Variants in PEX11G observed in about 807,000 individuals in gnomAD.
The protein encoded by PEX11G is peroxisomal biogenesis factor 11 gamma.
PEX11G carries 20 observed loss-of-function variants against 22.5 expected under a neutral mutation model. The ratio of observed to expected loss-of-function variants is 0.89; its 90% CI spans 0.62 to 1.29. The LOEUF (loss-of-function observed/expected upper bound fraction) is 1.29, where lower values mean the gene tolerates loss of function less well. PEX11G is among the 50% of genes most tolerant of loss of function. The pLI, the probability that PEX11G is intolerant of heterozygous loss-of-function variation, is 0.00. For synonymous variants in PEX11G, 141 were observed against 154.5 expected (o/e 0.91, Z 0.65); for missense variants, 347 against 331.3 (o/e 1.05, Z -0.37).
At chr19:7,488,565 C>T (rs950538462) in intron 1 of PEX11G, among the ~76,000 whole-genome samples, 3 of 152,134 alleles carry the variant, frequency 2.0e-5, no homozygotes, top group African/African-American at 4.8e-5. Context: ...TTTGGGAGGC[C>T]GAGGCAGGTG....
intron 3 of PEX11G, among the ~76,000 whole-genome samples, chr19:7,481,359 C>G (rs1380980199): frequency 6.6e-6 from 1 of 152,148 alleles, no homozygotes; most frequent in Non-Finnish European, 1.5e-5. Context: ...CACCACCAAG[C>G]CCAGCTAATT....
intron 1 of PEX11G, among the ~76,000 whole-genome samples, chr19:7,487,584 G>A (rs747630562): frequency 1.2e-4 from 18 of 151,968 alleles, no homozygotes; most frequent in Admixed American, 8.5e-4. Flanking sequence ...CACCACATCC[G>A]GCTAATTTTT....
At chr19:7,486,300 T>C (rs2021654741) in intron 1 of PEX11G, among the ~76,000 whole-genome samples, 1 of 152,024 alleles carries the variant, frequency 6.6e-6, no homozygotes, top group East Asian at 1.9e-4. Context: ...CTAATTTTTA[T>C]ATTTTTTGTA....
At chr19:7,487,704 G>A (rs568353537) in intron 1 of PEX11G, among the ~76,000 whole-genome samples, 3 of 152,268 alleles carry the variant, frequency 2.0e-5, no homozygotes, top group South Asian at 2.1e-4. Context: ...TCACAGGCGC[G>A]AGCCACCACG....
chr19:7,493,719 C>G (rs1482027898), upstream of PEX11G, among the ~76,000 whole-genome samples: 3 of 151,968 alleles, frequency 2.0e-5, no homozygotes. Flanking sequence ...AGACTTGGGT[C>G]CACTGGCTGA....
intron 2 of PEX11G, chr19:7,483,377 G>A (rs1180593841): frequency 6.6e-6 from 1 of 152,370 alleles, no homozygotes; most frequent in Non-Finnish European, 1.5e-5. Context: ...ATTCCGCCCG[G>A]ATTTCCTGAG....
chr19:7,479,450 C>T (rs113143223), intron 3 of PEX11G, among the ~76,000 whole-genome samples: 25,881 of 152,192 alleles, frequency 0.17, 2,393 homozygotes, highest in Non-Finnish European at 0.22. Context: ...CACCACTGCA[C>T]TCCAGCCTGG....
Position 7,482,110 on chromosome 19 carries a change from G to T in PEX11G, c.351C>A (p.Val117=). The T allele has an allele frequency of 6.2e-7, 1 of 1,602,398 alleles. No individual in the cohort carries two copies. The highest frequency in any genetic ancestry group is 8.5e-7 in the Non-Finnish European group (1 of 1,175,190). Residue 117 remains valine (V), a synonymous_variant, in exon 3 of 5, where the codon GTC becomes GTA. Coordinates refer to ENST00000221480, the MANE Select transcript of PEX11G (RefSeq NM_080662.4). ...EHVAWAADAR[V]LHVDSSRWWT... The stretch of plus-strand genomic sequence containing the variant: ...ACCACCGAGAAGAGTCCACGTGGAG[G>T]ACCCGGGCATCAGCCGCCCAGGCCA...
At chr19:7,493,143 C>T (rs2021918618), upstream of PEX11G, 1 of 152,066 alleles carries the variant, frequency 6.6e-6, no homozygotes, top group Admixed American at 6.6e-5. Context: ...CAAGGGGGCA[C>T]AAGAAAGGCC....
intron 2 of PEX11G, among the ~76,000 whole-genome samples, chr19:7,483,018 A>G (rs968193428): frequency 1.3e-5 from 2 of 152,262 alleles, no homozygotes; most frequent in East Asian, 3.9e-4. Flanking sequence ...CCAGCGCTGA[A>G]GCCTGGTTTC....
At chr19:7,486,748 C>G (rs1384541733) in intron 1 of PEX11G, among the ~76,000 whole-genome samples, 2 of 151,198 alleles carry the variant, frequency 1.3e-5, no homozygotes, top group Non-Finnish European at 2.9e-5. Flanking sequence ...TACAGGCACC[C>G]GCCACCAAGC....
intron 3 of PEX11G, among the ~76,000 whole-genome samples, chr19:7,480,619 G>A (rs978381088): frequency 2.0e-5 from 3 of 152,228 alleles, no homozygotes; most frequent in Non-Finnish European, 4.4e-5. Context: ...CTTCTACTCT[G>A]AGGTTTATCT....
At chr19:7,482,901 A>G (rs890527896) in intron 2 of PEX11G, among the ~76,000 whole-genome samples, 1 of 152,138 alleles carries the variant, frequency 6.6e-6, no homozygotes, top group East Asian at 1.9e-4. Context: ...TCGAATTGCA[A>G]TGCACACGCG....
At chr19:7,485,763 G>C in intron 2 of PEX11G, 75 bp downstream of exon 2, 1 of 1,390,114 alleles carries the variant, frequency 7.2e-7, no homozygotes, top group Non-Finnish European at 9.7e-7. Flanking sequence ...GCCACTGTGA[G>C]GGGCCAAAAA....
rs759328487 is a variant in PEX11G, at chr19:7,477,454, G to A, written c.492-18C>T. 2 of 1,414,984 alleles carry A rather than the reference G, an allele frequency of 1.4e-6. No individual in the cohort carries two copies. The highest frequency in any genetic ancestry group is 1.8e-6 in the Non-Finnish European group (2 of 1,087,766). 87.7% of individuals were successfully genotyped at this position (1,414,984 alleles called of 1,614,324 possible). A position where few individuals can be genotyped will look rare whatever the true frequency, so the allele number is the denominator to read the frequency against. ...GCAGCGGGCTGTGGGGCAGAGAGGG[G>A]CCGCTTACACTCACGCTCACACCTG... On this transcript the variant is annotated intron_variant, in intron 4 of 4. Transcript: ENST00000221480.
At chr19:7,493,869 G>A (rs73488470), upstream of PEX11G, among the ~76,000 whole-genome samples, 11,607 of 148,650 alleles carry the variant, frequency 0.078, 688 homozygotes, top group East Asian at 0.16. Flanking sequence ...GGGTCCACGG[G>A]TCTTTGTGCA....
chr19:7,477,259 G>T lies in PEX11G; in HGVS notation c.669C>A (p.Ile223=). ...CCCGGGCCGCCTGGTACATGCTGAG[G>T]ATTGAGGAGATGGTGCCCATGAGGC... ...LVGLMGTISS[I]LSMYQAARAG... Residue 223 remains isoleucine (I), a synonymous_variant, in exon 5 of 5, where the codon ATC becomes ATA. Coordinates refer to ENST00000221480, the MANE Select transcript of PEX11G (RefSeq NM_080662.4). The T allele has an allele frequency of 6.3e-7, 1 of 1,584,036 alleles. No individual in the cohort carries two copies. The highest frequency in any genetic ancestry group is 8.6e-7 in the Non-Finnish European group (1 of 1,167,564).
chr19:7,481,274 A>G (rs1977478147), intron 3 of PEX11G, among the ~76,000 whole-genome samples: 1 of 150,688 alleles, frequency 6.6e-6, no homozygotes, highest in African/African-American at 2.4e-5. Context: ...ATCTCGGCTC[A>G]CTGCAACCTC....
chr19:7,480,681 G>T (rs1174814982), intron 3 of PEX11G, among the ~76,000 whole-genome samples: 1 of 152,126 alleles, frequency 6.6e-6, no homozygotes, highest in Non-Finnish European at 1.5e-5. Context: ...TGTGCCGGGG[G>T]GAAAACAAGA....
Sources: allele counts gnomAD v4.1 joint callset (sites outside exome capture counted in the v4.1 genomes callset), GRCh38; gene constraint gnomAD v4.1.1; transcripts MANE v1.5; gene names NCBI Gene and HGNC (gene_info 2026-07-23, HGNC 2026-07-21).